GOLM2: variants seen among roughly 807,000 people sequenced by gnomAD.
The protein encoded by GOLM2 is golgi membrane protein 2, also known as protein GOLM2.
GOLM2 carries 26 observed loss-of-function variants against 55.9 expected under a neutral mutation model. The ratio of observed to expected loss-of-function variants is 0.47; its 90% confidence interval spans 0.34 to 0.65. GOLM2 has a LOEUF of 0.65. GOLM2 is among the 30% of genes least tolerant of loss of function. GOLM2 has a pLI of 0.01. For missense variants in GOLM2, 486 were observed against 531.8 expected (o/e 0.91, Z 0.85); for synonymous variants, 165 against 194.6 (o/e 0.85, Z 1.27).
In GOLM2 at chr15:44,288,946, C is replaced by G; in HGVS notation, c.-84C>G. 1.5e-6 allele frequency: 2 copies of G among 1,334,012 alleles called. No individual in the cohort carries two copies. Among genetic ancestry groups the G allele is most frequent in the African/African-American group, 1.5e-5 (1 of 68,422 alleles). 82.6% of individuals were successfully genotyped at this position (1,334,012 alleles called of 1,614,324 possible). A position where few individuals can be genotyped will look rare whatever the true frequency, so the allele number is the denominator to read the frequency against. On this transcript the variant is annotated 5_prime_UTR_variant, in exon 1 of 10. Transcript: ENST00000299957. ...CCTCGGCCGGCCCTGGGGCCGTGTC[C>G]GCCGGGCAACTCCAGCCGAGGCCTG... is the stretch of plus-strand genomic sequence containing the variant.
intron 1 of GOLM2, among the ~76,000 whole-genome samples, chr15:44,320,755 G>A (rs1179404926): frequency 1.4e-4 from 22 of 152,172 alleles, no homozygotes; most frequent in Admixed American, 9.8e-4. Context: ...TTTGAAAGTC[G>A]TGGGCTCTCA....
At chr15:44,394,890 A>G (rs1281301067) in intron 8 of GOLM2, among the ~76,000 whole-genome samples, 1 of 152,250 alleles carries the variant, frequency 6.6e-6, no homozygotes, top group African/African-American at 2.4e-5. Flanking sequence ...AGGCTAGAAA[A>G]AAGAGGCTGC....
At chr15:44,376,130 C>T (rs1029119983) in intron 6 of GOLM2, among the ~76,000 whole-genome samples, 16 of 152,194 alleles carry the variant, frequency 1.1e-4, no homozygotes, top group East Asian at 3.9e-4. Context: ...CTACTTGGGA[C>T]GGCTGAGGCA....
At chr15:44,298,759 AC>A (rs2078776099) in intron 1 of GOLM2, among the ~76,000 whole-genome samples, 1 of 152,296 alleles carries the variant, frequency 6.6e-6, no homozygotes, top group East Asian at 1.9e-4. Flanking sequence ...TAGTGCTGTT[AC>A]AAAATGTACG....
At chr15:44,302,304 C>G (rs1256467401) in intron 1 of GOLM2, among the ~76,000 whole-genome samples, 1 of 151,392 alleles carries the variant, frequency 6.6e-6, no homozygotes, top group African/African-American at 2.4e-5. Flanking sequence ...GCCACCACAC[C>G]CAGCTAATTT....
intron 1 of GOLM2, among the ~76,000 whole-genome samples, chr15:44,301,679 A>G (rs976479347): frequency 3.9e-5 from 6 of 152,190 alleles, no homozygotes; most frequent in African/African-American, 1.2e-4. Context: ...GTTTGAGATA[A>G]GAGGCTCAGG....
chr15:44,396,630 T>C (rs141170786), intron 8 of GOLM2, among the ~76,000 whole-genome samples: 134 of 152,304 alleles, frequency 8.8e-4, no homozygotes, highest in African/African-American at 3.2e-3. Flanking sequence ...AGCATTCTGT[T>C]TGAAGTTTTA....
intron 6 of GOLM2, among the ~76,000 whole-genome samples, chr15:44,372,462 A>C (rs2096185205): frequency 6.6e-6 from 1 of 152,318 alleles, no homozygotes; most frequent in Middle Eastern, 3.4e-3. Context: ...TAGGGGCTGC[A>C]ACTGAAGCCT....
chr15:44,310,159 C>T (rs1253629985), intron 1 of GOLM2, among the ~76,000 whole-genome samples: 6 of 152,078 alleles, frequency 3.9e-5, no homozygotes, highest in South Asian at 4.1e-4. Context: ...ACTGGGATTA[C>T]GGGCGTGAGC....
At chr15:44,326,591 A>G (rs935768442) in intron 2 of GOLM2, among the ~76,000 whole-genome samples, 23 of 151,354 alleles carry the variant, frequency 1.5e-4, no homozygotes, top group African/African-American at 5.6e-4. Context: ...GCATGGATGC[A>G]ATTATATGTT....
intron 1 of GOLM2, among the ~76,000 whole-genome samples, chr15:44,319,631 G>A (rs2078935767): frequency 6.6e-6 from 1 of 152,034 alleles, no homozygotes; most frequent in Non-Finnish European, 1.5e-5. Context: ...CTGCCACCTA[G>A]GGTAGGAGTG....
Position 44,337,845 on chromosome 15 carries a change from T to C in GOLM2, c.659T>C (p.Val220Ala). The change falls in exon 5 of 10, where the codon GTA becomes GCA. Residue 220 changes from valine (V) to alanine (A), a missense_variant. Physicochemically the swap from Val to Ala is moderately conservative, Grantham distance 64. Coordinates refer to ENST00000299957, the MANE Select transcript of GOLM2 (RefSeq NM_138423.4). Reference sequence around the variant, plus strand: ...GTAGTACCTAAAAATATTCCAAAAGTAGCTGAGAATGTTGCAGATAAGAAT... The same window carrying C: ...GTAGTACCTAAAAATATTCCAAAAGCAGCTGAGAATGTTGCAGATAAGAAT... Reference protein sequence around the residue: ...NQVVPKNIPKVAENVADKNEE... With the variant: ...NQVVPKNIPKAAENVADKNEE... 6.2e-7 allele frequency: 1 copy of C among 1,605,412 alleles called. No homozygotes were observed. The highest frequency in any genetic ancestry group is 2.3e-5 in the East Asian group (1 of 44,430).
At chr15:44,370,301 A>T (rs931797961) in intron 6 of GOLM2, among the ~76,000 whole-genome samples, 4 of 152,140 alleles carry the variant, frequency 2.6e-5, no homozygotes, top group Non-Finnish European at 5.9e-5. Context: ...AGGCTTGTTT[A>T]TGCTTTGGTT....
At chr15:44,373,771 C>CA (rs1374034759) in intron 6 of GOLM2, among the ~76,000 whole-genome samples, 3 of 151,832 alleles carry the variant, frequency 2.0e-5, no homozygotes, top group Non-Finnish European at 2.9e-5. Flanking sequence ...CAAAACAAAA[C>CA]AAAAAAACAG....
chr15:44,318,060 A>G (rs367654503), intron 1 of GOLM2, among the ~76,000 whole-genome samples: 57 of 152,344 alleles, frequency 3.7e-4, no homozygotes, highest in African/African-American at 1.4e-3. Flanking sequence ...TGCAGGCCAT[A>G]TAGTCTCTGC....
chr15:44,298,419 A>G (rs1205449179), intron 1 of GOLM2, among the ~76,000 whole-genome samples: 1 of 147,734 alleles, frequency 6.8e-6, no homozygotes, highest in African/African-American at 2.5e-5. Flanking sequence ...ACCCACCACC[A>G]TGGCCGGCTA....
chr15:44,318,623 G>A lies in GOLM2; in HGVS notation c.328-4342G>A, dbSNP rs564516076. Among the ~76,000 whole-genome samples the A allele has an allele frequency of 5.3e-5, 8 of 151,416 alleles. No individual in the cohort carries two copies. The South Asian group carries it at 1.7e-3, about 31-fold the overall frequency. ...ACTTGGGAGGCTAAGGCAGGAGAACGACTTGAACCTGGGACGTGGAGGTTG... is the reference window on the plus strand; with the variant it reads ...ACTTGGGAGGCTAAGGCAGGAGAACAACTTGAACCTGGGACGTGGAGGTTG... On this transcript the variant is annotated intron_variant, in intron 1 of 9. Transcript: ENST00000299957.
chr15:44,380,947 G>C lies in GOLM2; in HGVS notation c.1043G>C (p.Arg348Thr). The stretch of plus-strand genomic sequence containing the variant: ...ATACTAAAGCAGGCTACCAAGGACA[G>C]AGTCAGTGATTTCCATAAATTGAAG... ...TDILKQATKDRVSDFHKLKQS... is the reference protein window; with the variant it reads ...TDILKQATKDTVSDFHKLKQS... The change falls in exon 8 of 10, where the codon AGA becomes ACA. Residue 348 changes from arginine (R) to threonine (T), a missense_variant. Transcript: ENST00000299957. 2.5e-6 allele frequency: 4 copies of C among 1,577,780 alleles called. No individual in the cohort carries two copies. The highest frequency in any genetic ancestry group is 1.9e-5 in the Admixed American group (1 of 53,740).
chr15:44,302,057 C>T (rs1446519855), intron 1 of GOLM2, among the ~76,000 whole-genome samples: 1 of 151,738 alleles, frequency 6.6e-6, no homozygotes, highest in Non-Finnish European at 1.5e-5. Context: ...TGATGTTGCA[C>T]TACAAGACTG....
Sources: allele counts gnomAD v4.1 joint callset (sites outside exome capture counted in the v4.1 genomes callset), GRCh38; gene constraint gnomAD v4.1.1; transcripts MANE v1.5; gene names NCBI Gene and HGNC (gene_info 2026-07-23, HGNC 2026-07-21).